The following SAMD5 variants were observed in gnomAD, a reference collection of about 807,000 sequenced individuals.
SAMD5 encodes the protein sterile alpha motif domain containing 5, also known as sterile alpha motif domain-containing protein 5.
SAMD5 carries 13 observed loss-of-function variants against 11.3 expected under a neutral mutation model. That is an observed-to-expected ratio of 1.15 (90% confidence interval 0.75 to 1.83). SAMD5 has a LOEUF of 1.83. Ranked by LOEUF, SAMD5 falls within the 40% of genes most tolerant of loss-of-function variation. The pLI, the probability that SAMD5 is intolerant of heterozygous loss-of-function variation, is 0.00. For missense variants in SAMD5, 255 were observed against 239.1 expected (o/e 1.07, Z -0.44); for synonymous variants, 129 against 111.3 (o/e 1.16, Z -1.00).
In SAMD5 at chr6:147,734,669, T is replaced by C. The variant is rs770103195; in HGVS notation, c.163-2648T>C. 1.7e-4 allele frequency among the ~76,000 whole-genome samples: 20 copies of C among 121,006 alleles called. No individual in the cohort carries two copies. In the South Asian group the frequency reaches 3.1e-3, roughly 19 times the overall value. 79.4% of individuals were successfully genotyped at this position (121,006 alleles called of 152,430 possible). On this transcript the variant is annotated intron_variant, in intron 1 of 1. Transcript: ENST00000566741. The stretch of plus-strand genomic sequence containing the variant: ...TGGAGCTTGCAGTCAGCCGAGATCG[T>C]GCCACTGCACTCCAGCCTGGGCGGC...
intron 1 of SAMD5, among the ~76,000 whole-genome samples, chr6:147,588,616 G>A (rs770502024): frequency 1.1e-4 from 17 of 151,896 alleles, no homozygotes; most frequent in East Asian, 9.8e-4. Flanking sequence ...ATGAGCCACC[G>A]CGCCCAGCCT....
chr6:147,926,330 C>T, the SAMD5 span, among the ~76,000 whole-genome samples: 1 of 152,194 alleles, frequency 6.6e-6, no homozygotes, highest in Non-Finnish European at 1.5e-5. Flanking sequence ...CTCTTCTCTG[C>T]AACCTCACCA....
At chr6:147,945,196 G>A in the SAMD5 span, among the ~76,000 whole-genome samples, 24 of 151,904 alleles carry the variant, frequency 1.6e-4, no homozygotes, top group African/African-American at 3.9e-4. Context: ...TTTCATCCTC[G>A]TGATCCCTCT....
chr6:147,638,914 T>C (rs1790271275), intron 1 of SAMD5, among the ~76,000 whole-genome samples: 1 of 152,178 alleles, frequency 6.6e-6, no homozygotes, highest in Non-Finnish European at 1.5e-5. Context: ...TAAGCTAGTG[T>C]TTTCTAATAT....
chr6:147,866,405 C>A, the SAMD5 span, among the ~76,000 whole-genome samples: 1 of 152,034 alleles, frequency 6.6e-6, no homozygotes, highest in Non-Finnish European at 1.5e-5. Flanking sequence ...AGGTCAGATG[C>A]CAAGACTACT....
the SAMD5 span, among the ~76,000 whole-genome samples, chr6:147,870,032 T>C: frequency 1.3e-5 from 2 of 152,128 alleles, no homozygotes; most frequent in Non-Finnish European, 1.5e-5. Flanking sequence ...GAATTATTAA[T>C]GGGATTTTTT....
chr6:147,514,175 G>T (rs1562309970), intron 1 of SAMD5, among the ~76,000 whole-genome samples: 1 of 152,086 alleles, frequency 6.6e-6, no homozygotes, highest in Non-Finnish European at 1.5e-5. Context: ...AGGGAATTGT[G>T]CCCAGAGCGC....
the SAMD5 span, among the ~76,000 whole-genome samples, chr6:147,952,565 CAG>C: frequency 1.4e-4 from 22 of 152,270 alleles, no homozygotes; most frequent in African/African-American, 5.3e-4. Context: ...GGCTGGAGTG[CAG>C]AGACGTGACC....
chr6:147,791,017 G>A, the SAMD5 span, among the ~76,000 whole-genome samples: 8 of 152,024 alleles, frequency 5.3e-5, no homozygotes, highest in African/African-American at 9.7e-5. Flanking sequence ...AAGATAGGCC[G>A]GGTGTGGTGG....
At chr6:147,625,484 G>A (rs1349232836) in intron 1 of SAMD5, among the ~76,000 whole-genome samples, 1 of 152,142 alleles carries the variant, frequency 6.6e-6, no homozygotes, top group Non-Finnish European at 1.5e-5. Flanking sequence ...TAAAAGAATT[G>A]GCTAGGAGTC....
chr6:147,865,295 TGTACATGTAG>T, the SAMD5 span, among the ~76,000 whole-genome samples: 1 of 150,904 alleles, frequency 6.6e-6, no homozygotes, highest in African/African-American at 2.4e-5. Flanking sequence ...TGTATATGTA[TGTACATGTAG>T]GTATATAAGT....
At chr6:147,732,128 G>A (rs1429774754) in intron 1 of SAMD5, among the ~76,000 whole-genome samples, 1 of 152,122 alleles carries the variant, frequency 6.6e-6, no homozygotes, top group Non-Finnish European at 1.5e-5. Context: ...TTTAAAAGAG[G>A]ATTGGATTTC....
chr6:147,545,076 G>C (rs9497803), intron 1 of SAMD5, among the ~76,000 whole-genome samples: 5,142 of 152,248 alleles, frequency 0.034, 280 homozygotes, highest in African/African-American at 0.12. Context: ...TAATTACAGA[G>C]ATTTGCTGTT....
chr6:147,811,428 G>A, the SAMD5 span, among the ~76,000 whole-genome samples: 2 of 152,210 alleles, frequency 1.3e-5, no homozygotes, highest in African/African-American at 4.8e-5. Context: ...TTAGCCTCAG[G>A]TTAGGGAATT....
chr6:147,780,939 A>C, the SAMD5 span, among the ~76,000 whole-genome samples: 1 of 152,160 alleles, frequency 6.6e-6, no homozygotes, highest in Non-Finnish European at 1.5e-5. Context: ...CCTTTGTTAC[A>C]TGTAATGAAA....
chr6:147,918,017 C>G, the SAMD5 span, among the ~76,000 whole-genome samples: 1 of 152,036 alleles, frequency 6.6e-6, no homozygotes, highest in African/African-American at 2.4e-5. Context: ...GTTCTTTTTG[C>G]TTAGGATTGT....
chr6:147,844,314 A>AT, the SAMD5 span, among the ~76,000 whole-genome samples: 1 of 152,226 alleles, frequency 6.6e-6, no homozygotes, highest in African/African-American at 2.4e-5. Context: ...TATCTACTAG[A>AT]TTGGCTATTA....
the SAMD5 span, among the ~76,000 whole-genome samples, chr6:147,923,053 C>T: frequency 6.6e-6 from 1 of 151,722 alleles, no homozygotes; most frequent in Non-Finnish European, 1.5e-5. Flanking sequence ...CACAGAGTAA[C>T]GATGATAAAA....
rs576548974 is a variant in SAMD5 at position 147,558,914 on chromosome 6, A to C, written c.460-5480A>C. On this transcript the variant is annotated intron_variant, in intron 1 of 1. Coordinates refer to ENST00000367474, the MANE Select transcript of SAMD5 (RefSeq NM_001030060.3). ...TTCCACTCCGCCTGAAAATATGCCC[A>C]AGCTCCCTCTTCGTTCTTAAAATCG... Among the ~76,000 whole-genome samples, 74 of 152,326 alleles carry C rather than the reference A, an allele frequency of 4.9e-4. 1 individual carries two copies. The South Asian group carries it at 0.015, about 30-fold the overall frequency.
Sources: gnomAD v4.1 joint callset for allele counts (sites outside exome capture counted in the v4.1 genomes callset) on GRCh38, gnomAD v4.1.1 for gene constraint, MANE v1.5 for transcripts, NCBI Gene and HGNC (gene_info 2026-07-23, HGNC 2026-07-21) for gene names.